Variants in TAFA5 observed in about 807,000 individuals in gnomAD.
The protein encoded by TAFA5 is chemokine-like protein TAFA-5.
In TAFA5, 6 loss-of-function variants were observed where a neutral mutation model predicts 15.3. The observed-to-expected ratio is 0.39, with a 90% CI of 0.21 to 0.77. The LOEUF is 0.77. Among genes scored for constraint, TAFA5 ranks in the 30% least tolerant of loss-of-function variants. The pLI, the probability that TAFA5 is intolerant of heterozygous loss-of-function variation, is 0.41. For synonymous variants in TAFA5, 103 were observed against 80.7 expected (o/e 1.28, Z -1.48); for missense variants, 161 against 193.1 (o/e 0.83, Z 0.98).
chr22:48,693,170 C>A, intron 2 of TAFA5: 1 of 897,966 alleles, frequency 1.1e-6, no homozygotes, highest in South Asian at 1.7e-5. Context: ...CTGGAAAATA[C>A]GTCCTTGTCT....
chr22:48,728,396 C>G (rs781111781), intron 3 of TAFA5, among the ~76,000 whole-genome samples: 1 of 152,216 alleles, frequency 6.6e-6, no homozygotes, highest in African/African-American at 2.4e-5. Context: ...GTGTCCAATG[C>G]TGGATGGAGC....
In TAFA5 at chr22:48,598,767, C is replaced by T. The variant is rs551631463; in HGVS notation, c.113-47830C>T. ...GCTGAGACCCCACCGAGGAAGGGCT[C>T]GGTCCCACAAGACTGCTCCCCCTTC... is the stretch of plus-strand genomic sequence containing the variant. On this transcript the variant is annotated intron_variant, in intron 1 of 3. Transcript: ENST00000402357. This position sits in a 1 kb window ranked among gnomAD's most constrained non-coding sequence, Gnocchi z 4.0. 7.2e-5 allele frequency among the ~76,000 whole-genome samples: 11 copies of T among 152,270 alleles called. No homozygotes were observed. The highest frequency in any genetic ancestry group is 1.9e-4 in the East Asian group (1 of 5,180).
intron 3 of TAFA5, among the ~76,000 whole-genome samples, chr22:48,732,611 G>A (rs1008127265): frequency 1.2e-4 from 18 of 152,136 alleles, no homozygotes; most frequent in African/African-American, 4.3e-4. Context: ...TGAACATTGT[G>A]GAAATGATGA....
intron 1 of TAFA5, among the ~76,000 whole-genome samples, chr22:48,588,693 G>C (rs73890918): frequency 3.1e-3 from 473 of 152,296 alleles, no homozygotes; most frequent in African/African-American, 0.011. Flanking sequence ...TGCCTCTGTG[G>C]CCTCCCGGTT....
chr22:48,730,922 TAAATC>T lies in TAFA5; in HGVS notation c.391-18913_391-18909del, dbSNP rs546217669. Among the ~76,000 whole-genome samples the T allele has an allele frequency of 2.0e-3, 297 of 152,278 alleles. 2 individuals are homozygous for T. The highest frequency in any genetic ancestry group is 0.01 in the Middle Eastern group (3 of 294). The stretch of plus-strand genomic sequence containing the variant: ...AGGAAGAGGCGTCCGTCTCTCACCT[TAAATC>T]AAAAGCTAGAAGTGATCGAGCTTCG... On this transcript the variant is annotated intron_variant, in intron 3 of 3. Transcript: ENST00000402357.
intron 3 of TAFA5, among the ~76,000 whole-genome samples, chr22:48,710,870 G>A (rs1271176030): frequency 1.3e-5 from 2 of 152,188 alleles, no homozygotes; most frequent in Non-Finnish European, 2.9e-5. Flanking sequence ...TCACAGGCTT[G>A]AATACTGCGG....
At chr22:48,507,182 GAGA>G (rs1161437990) in intron 1 of TAFA5, among the ~76,000 whole-genome samples, 2 of 105,258 alleles carry the variant, frequency 1.9e-5, no homozygotes, top group African/African-American at 1.0e-4. Context: ...TGTGTAGTTG[GAGA>G]AGGAGACGGC....
chr22:48,598,576 C>A lies in TAFA5; in HGVS notation c.113-48021C>A, dbSNP rs114735074. Among the ~76,000 whole-genome samples the A allele has an allele frequency of 2.3e-3, 343 of 152,268 alleles. 1 individual carries two copies. Among genetic ancestry groups the A allele is most frequent in the African/African-American group, 7.4e-3 (309 of 41,552 alleles). ...GTGAGATGACCTCCATGTAGGCTGC[C>A]ATGGTGTCACCGGCTGACCTGGTTT... On this transcript the variant is annotated intron_variant, in intron 1 of 3. Transcript: ENST00000402357. This position sits in a 1 kb window ranked among gnomAD's most constrained non-coding sequence, Gnocchi z 4.0.
intron 3 of TAFA5, among the ~76,000 whole-genome samples, chr22:48,725,532 G>A (rs1929689645): frequency 6.6e-6 from 1 of 152,110 alleles, no homozygotes; most frequent in Non-Finnish European, 1.5e-5. Context: ...GGAACCCAAG[G>A]TGAGGCAGGA....
intron 1 of TAFA5, among the ~76,000 whole-genome samples, chr22:48,613,467 C>T (rs1169784788): frequency 2.0e-5 from 3 of 152,206 alleles, no homozygotes; most frequent in Non-Finnish European, 4.4e-5. Flanking sequence ...CTCCCCCACT[C>T]TGTTTGTCCT....
At chr22:48,542,878 G>C (rs1352050992) in intron 1 of TAFA5, among the ~76,000 whole-genome samples, 1 of 150,170 alleles carries the variant, frequency 6.7e-6, no homozygotes, top group Non-Finnish European at 1.5e-5. Flanking sequence ...TGGTGTGTGT[G>C]ATGTGTGTAT....
chr22:48,538,734 C>A (rs927726818), intron 1 of TAFA5, among the ~76,000 whole-genome samples: 3 of 152,164 alleles, frequency 2.0e-5, no homozygotes, highest in Non-Finnish European at 4.4e-5. Context: ...ACTCAACCTC[C>A]GGAGCTCATT....
intron 2 of TAFA5, among the ~76,000 whole-genome samples, chr22:48,656,817 T>C (rs1185545225): frequency 7.7e-6 from 1 of 129,906 alleles, no homozygotes; most frequent in African/African-American, 2.9e-5. Context: ...CAGGCTAGAG[T>C]GCAGTGGTGT....
chr22:48,665,903 G>A (rs766246746), intron 2 of TAFA5, among the ~76,000 whole-genome samples: 5 of 151,702 alleles, frequency 3.3e-5, no homozygotes, highest in African/African-American at 4.9e-5. Context: ...GGTGGGATTC[G>A]CAGTGGGGAG....
chr22:48,730,570 C>T (rs897872656), intron 3 of TAFA5, among the ~76,000 whole-genome samples: 1 of 152,162 alleles, frequency 6.6e-6, no homozygotes, highest in Non-Finnish European at 1.5e-5. Context: ...TCTGACAGCA[C>T]CATGTTTTCA....
chr22:48,546,377 A>T (rs746246811), intron 1 of TAFA5: 1 of 399,320 alleles, frequency 2.5e-6, no homozygotes, highest in East Asian at 7.3e-5. Flanking sequence ...TTCAGCAAAC[A>T]CATGCTGTGC....
At chr22:48,604,663 C>T (rs1286584179) in intron 1 of TAFA5, among the ~76,000 whole-genome samples, 2 of 152,180 alleles carry the variant, frequency 1.3e-5, no homozygotes, top group Non-Finnish European at 2.9e-5. Context: ...GTGTGCAAGC[C>T]CCCAGCTAGC....
intron 1 of TAFA5, among the ~76,000 whole-genome samples, chr22:48,618,014 G>GT (rs1569049841): frequency 6.6e-6 from 1 of 152,222 alleles, no homozygotes; most frequent in Non-Finnish European, 1.5e-5. Context: ...CAGGCCACTG[G>GT]TAAGTGGCAC....
At chr22:48,536,463 G>A (rs1003403065) in intron 1 of TAFA5, among the ~76,000 whole-genome samples, 2 of 152,234 alleles carry the variant, frequency 1.3e-5, no homozygotes, top group East Asian at 1.9e-4. Flanking sequence ...GGTAACGAGC[G>A]CGCACCGCCC....
Sources: allele counts gnomAD v4.1 joint callset (sites outside exome capture counted in the v4.1 genomes callset), GRCh38; gene constraint gnomAD v4.1.1; non-coding constraint Gnocchi (gnomAD v3.1); transcripts MANE v1.5; gene names NCBI Gene and HGNC (gene_info 2026-07-23, HGNC 2026-07-21).